CAP2: variants seen among roughly 807,000 people sequenced by gnomAD.
CAP2 encodes adenylyl cyclase-associated protein 2.
CAP2 carries 24 observed loss-of-function variants against 57.7 expected under a neutral mutation model. The observed-to-expected ratio is 0.42, with a 90% CI of 0.30 to 0.58. CAP2 has a LOEUF of 0.58. Ranked by LOEUF, CAP2 falls within the 20% of genes least tolerant of loss-of-function variation. The pLI is 0.22. For missense variants in CAP2, 501 were observed against 590.3 expected, an observed-to-expected ratio of 0.85 and a Z score of 1.57; for synonymous variants, 194 against 207.2, an observed-to-expected ratio of 0.94 and a Z score of 0.55.
In CAP2 at chr6:17,453,793, G is replaced by A. The variant is rs117698698; in HGVS notation, c.223-9203G>A. On this transcript the variant is annotated intron_variant, in intron 3 of 12. Coordinates refer to ENST00000229922, the MANE Select transcript of CAP2 (RefSeq NM_006366.3). Reference sequence around the variant, plus strand: ...ATCCTACATTTGTCCACCAATCTTGGGAAATTCACTAACCTCTCCAGGTCT... The same window carrying A: ...ATCCTACATTTGTCCACCAATCTTGAGAAATTCACTAACCTCTCCAGGTCT... Among the ~76,000 whole-genome samples the A allele has an allele frequency of 4.1e-3, 619 of 152,154 alleles. 8 individuals are homozygous for A. The highest frequency in any genetic ancestry group is 0.033 in the East Asian group (170 of 5,178).
chr6:17,534,397 C>A (rs1581602944), intron 7 of CAP2, among the ~76,000 whole-genome samples: 1 of 152,170 alleles, frequency 6.6e-6, no homozygotes, highest in Non-Finnish European at 1.5e-5. Flanking sequence ...GCTATGGCTG[C>A]AGTTTCTCAA....
chr6:17,517,907 A>AAATAAATG (rs1762305786), intron 7 of CAP2, among the ~76,000 whole-genome samples: 2 of 152,176 alleles, frequency 1.3e-5, no homozygotes, highest in African/African-American at 2.4e-5. Context: ...GTCTCAAAAT[A>AAATAAATG]AATAAATAAA....
intron 4 of CAP2, among the ~76,000 whole-genome samples, chr6:17,500,226 A>T (rs1397526353): frequency 6.7e-6 from 1 of 150,350 alleles, no homozygotes; most frequent in African/African-American, 2.4e-5. Context: ...GCACCAAAGC[A>T]AAAGTTAACT....
At chr6:17,441,037 C>T (rs1416125109) in intron 3 of CAP2, among the ~76,000 whole-genome samples, 5 of 151,482 alleles carry the variant, frequency 3.3e-5, no homozygotes, top group African/African-American at 9.8e-5. Flanking sequence ...TCCATGGTGT[C>T]TCCCATTTTT....
At position 17,463,076 on chromosome 6, in the gene CAP2, AAG is replaced by A. The variant is rs745957013; in HGVS notation, c.300+8_300+9del. The A allele has an allele frequency of 3.1e-6, 5 of 1,608,846 alleles. No homozygotes were observed. Among genetic ancestry groups the A allele is most frequent in the Non-Finnish European group, 4.3e-6 (5 of 1,175,232 alleles). On this transcript the variant is annotated splice_donor_5th_base_variant and intron_variant, in intron 4 of 12. Coordinates refer to ENST00000229922, the MANE Select transcript of CAP2 (RefSeq NM_006366.3). Reference sequence around the variant, plus strand: ...CTCAGTACCAACAACCCCACGAGGTAAGAGAGTGTCCTGAGAGGGAAGGTGTC... The same window carrying A: ...CTCAGTACCAACAACCCCACGAGGTAAGAGTGTCCTGAGAGGGAAGGTGTC...
At chr6:17,486,678 A>C (rs574864446) in intron 4 of CAP2, among the ~76,000 whole-genome samples, 1 of 152,300 alleles carries the variant, frequency 6.6e-6, no homozygotes, top group Admixed American at 6.5e-5. Flanking sequence ...AATCGAGATT[A>C]TTCTTTAGAA....
At chr6:17,394,651 T>A (rs955099060) in intron 1 of CAP2, among the ~76,000 whole-genome samples, 22 of 152,246 alleles carry the variant, frequency 1.4e-4, no homozygotes, top group African/African-American at 5.1e-4. Flanking sequence ...ACTTGAGCAC[T>A]GTAGTTTACT....
Position 17,513,424 on chromosome 6 carries a change from C to CT in CAP2, c.531-416dup, listed in dbSNP as rs11447917. ...AATTATTAGAAAATGAACCCAATGA[C>CT]TTTTTTTTTCTTTTTAATACCATTC... On this transcript the variant is annotated intron_variant, in intron 6 of 12. Transcript: ENST00000229922. The surrounding 1 kb of genome is among the most constrained non-coding windows in gnomAD (Gnocchi z 4.3). Among the ~76,000 whole-genome samples, 2,744 of 151,680 alleles carry CT rather than the reference C, an allele frequency of 0.018. 86 individuals are homozygous for CT. The highest frequency in any genetic ancestry group is 0.061 in the African/African-American group (2,525 of 41,334).
chr6:17,417,274 A>AT (rs34818674), intron 1 of CAP2, among the ~76,000 whole-genome samples: 16,372 of 137,194 alleles, frequency 0.12, 2,624 homozygotes, highest in African/African-American at 0.37. Flanking sequence ...TTTAAAACTG[A>AT]TTTTTTTTTT....
intron 4 of CAP2, among the ~76,000 whole-genome samples, chr6:17,490,184 A>C (rs944929843): frequency 2.6e-5 from 4 of 152,214 alleles, no homozygotes; most frequent in African/African-American, 9.6e-5. Context: ...GGAAGATGAC[A>C]CTTTATTTTG....
intron 3 of CAP2, among the ~76,000 whole-genome samples, chr6:17,444,804 C>CCACACACACA (rs142931025): frequency 0.018 from 2,502 of 140,482 alleles, 38 homozygotes; most frequent in Admixed American, 0.032. Flanking sequence ...TTCTCTCTCT[C>CCACACACACA]CACACACACA....
chr6:17,493,143 G>C (rs1761584491), intron 4 of CAP2, among the ~76,000 whole-genome samples: 1 of 152,144 alleles, frequency 6.6e-6, no homozygotes, highest in East Asian at 1.9e-4. Flanking sequence ...GATCACATTG[G>C]ACTTTTCAGA....
chr6:17,425,624 G>C (rs1759569575), intron 2 of CAP2, among the ~76,000 whole-genome samples: 1 of 152,064 alleles, frequency 6.6e-6, no homozygotes. Context: ...CCTTTTGTTT[G>C]GTCTGTAACT....
At chr6:17,424,962 C>G (rs569140583) in intron 2 of CAP2, among the ~76,000 whole-genome samples, 1 of 152,242 alleles carries the variant, frequency 6.6e-6, no homozygotes, top group Non-Finnish European at 1.5e-5. Context: ...GGCTTGTGTC[C>G]TTTTTATGTT....
intron 4 of CAP2, among the ~76,000 whole-genome samples, chr6:17,493,866 G>A (rs999870130): frequency 3.3e-5 from 5 of 151,632 alleles, no homozygotes; most frequent in African/African-American, 7.3e-5. Flanking sequence ...GAGGGCAGCC[G>A]AAACAGTACG....
chr6:17,465,766 G>A (rs774067772), intron 4 of CAP2, among the ~76,000 whole-genome samples: 7 of 152,200 alleles, frequency 4.6e-5, no homozygotes, highest in Admixed American at 1.3e-4. Flanking sequence ...AACCACTTGC[G>A]AAAGGCGTGT....
chr6:17,552,318 G>T (rs908067884), intron 12 of CAP2, among the ~76,000 whole-genome samples: 2 of 152,190 alleles, frequency 1.3e-5, no homozygotes, highest in Admixed American at 1.3e-4. Flanking sequence ...CATGAAGTGT[G>T]ATGGATCTGC....
At chr6:17,531,535 C>T in intron 7 of CAP2, 1 of 1,539,450 alleles carries the variant, frequency 6.5e-7, no homozygotes, top group East Asian at 2.2e-5. Flanking sequence ...GGACAAACTT[C>T]TTTCTCAGGT....
chr6:17,413,033 G>T (rs1759179478), intron 1 of CAP2, among the ~76,000 whole-genome samples: 1 of 152,138 alleles, frequency 6.6e-6, no homozygotes, highest in Admixed American at 6.6e-5. Context: ...GGGACTTGGG[G>T]AGTTGTCCCT....
Sources: gnomAD v4.1 joint callset for allele counts (sites outside exome capture counted in the v4.1 genomes callset) on GRCh38, gnomAD v4.1.1 for gene constraint, Gnocchi (gnomAD v3.1) non-coding constraint, MANE v1.5 for transcripts, NCBI Gene and HGNC (gene_info 2026-07-23, HGNC 2026-07-21) for gene names.